The following CAPN12 variants were observed in gnomAD, a reference collection of about 807,000 sequenced individuals.
The protein encoded by CAPN12 is calpain-12.
CAPN12 carries 107 observed loss-of-function variants against 95.0 expected under a neutral mutation model. The ratio of observed to expected loss-of-function variants is 1.13; its 90% CI spans 0.96 to 1.32. CAPN12 has a LOEUF of 1.32. Ranked by LOEUF, CAPN12 falls within the 40% of genes most tolerant of loss-of-function variation. The probability of loss-of-function intolerance (pLI) is 0.00; values close to 1 mark genes in which losing one functional copy is unlikely to be tolerated. For synonymous variants in CAPN12, 505 were observed against 415.5 expected (o/e 1.22, Z -2.62); for missense variants, 1,136 against 997.8 (o/e 1.14, Z -1.87).
intron 2 of CAPN12, 39 bp from the exon 3 acceptor site, chr19:38,742,567 G>A (rs949181024): frequency 6.8e-7 from 1 of 1,464,436 alleles, no homozygotes. Context: ...GATGGAAGGA[G>A]GGAGGCCTGG....
At position 38,737,353 on chromosome 19, in the gene CAPN12, G is replaced by A; in HGVS notation, c.1165C>T (p.Leu389=). ...FWTNPQFRLT[L]LEPDEEDDED... ...TCATCCTCCTCATCAGGCTCCAGCA[G>A]CGTTAAACGGAACTGAGGATTGGTC... The change falls in exon 10 of 21, where the codon CTG becomes TTG. Residue 389 remains leucine (L), a synonymous_variant. Transcript: ENST00000328867. The A allele has an allele frequency of 6.3e-7, 1 of 1,590,226 alleles. No individual in the cohort carries two copies. The highest frequency in any genetic ancestry group is 8.6e-7 in the Non-Finnish European group (1 of 1,169,534).
At chr19:38,732,361 T>C (rs1969687435) in intron 18 of CAPN12, among the ~76,000 whole-genome samples, 1 of 152,232 alleles carries the variant, frequency 6.6e-6, no homozygotes, top group Admixed American at 6.5e-5. Context: ...AGACGGAGTC[T>C]CGCTCTGTTG....
chr19:38,730,942 C>T, intron 20 of CAPN12, 23 bp downstream of exon 20: 2 of 1,550,542 alleles, frequency 1.3e-6, no homozygotes, highest in Non-Finnish European at 8.7e-7. Context: ...CCTGAGCCAC[C>T]CTGTCCCTCC....
At position 38,735,575 on chromosome 19, in the gene CAPN12, G is replaced by A. The variant is rs567757539; in HGVS notation, c.1584-31C>T. On this transcript the variant is annotated intron_variant, in intron 12 of 20. Transcript: ENST00000328867. ...AATTACAGATGGGAAGTGGGGAGGG[G>A]GCTGTTTGCCCCAGCTGGGGCTGTG... is the stretch of plus-strand genomic sequence containing the variant. 184 of 1,605,090 alleles carry A rather than the reference G, an allele frequency of 1.1e-4. No homozygotes were observed. In the East Asian group the frequency reaches 1.1e-3, roughly 10 times the overall value.
chr19:38,734,937 TA>T, intron 14 of CAPN12, 67 bp from the exon 15 acceptor site: 2 of 1,491,410 alleles, frequency 1.3e-6, no homozygotes, highest in African/African-American at 2.8e-5. Flanking sequence ...AGCCCTGTGC[TA>T]GGGACACGGC....
At chr19:38,732,278 G>A (rs963728511) in intron 18 of CAPN12, among the ~76,000 whole-genome samples, 4 of 152,112 alleles carry the variant, frequency 2.6e-5, no homozygotes, top group African/African-American at 7.2e-5. Context: ...TCTGCCCCAC[G>A]TCTCCCAATC....
chr19:38,732,438 TCTC>T (rs1969695314), intron 18 of CAPN12, among the ~76,000 whole-genome samples: 1 of 152,152 alleles, frequency 6.6e-6, no homozygotes, highest in African/African-American at 2.4e-5. Context: ...TTCAAGAGAT[TCTC>T]CTGTCTCAGC....
chr19:38,742,131 C>T, intron 3 of CAPN12: 2 of 641,434 alleles, frequency 3.1e-6, no homozygotes, highest in Non-Finnish European at 5.3e-6. Context: ...CGAGACCAGC[C>T]TGGCTAAGAT....
Position 38,744,079 on chromosome 19 carries a change from GC to G in CAPN12, c.86del (p.Gly29AlafsTer45). On this transcript the variant is annotated frameshift_variant, in exon 1 of 21. Transcript: ENST00000328867. LOFTEE classifies it high-confidence loss of function. ...VGAGRLQLFR[G>X]QSYEAIRAAC... is the part of the protein sequence containing the mutation. ...CTGCCCGAATTGCCTCATAGCTCTG[GC>G]CCCGAAAAAGCTGCAGGCGCCCGGC... 6.2e-7 allele frequency: 1 copy of G among 1,614,172 alleles called. No homozygotes were observed. Among genetic ancestry groups the G allele is most frequent in the African/African-American group, 1.3e-5 (1 of 75,042 alleles).
chr19:38,744,268 G>A lies in CAPN12; in HGVS notation c.-103C>T, dbSNP rs1464643089. 26 of 1,069,602 alleles carry A rather than the reference G, an allele frequency of 2.4e-5. No homozygotes were observed. The East Asian group carries it at 4.0e-4, about 17-fold the overall frequency. The allele number at this position is 1,069,602 out of a possible 1,614,324, so 66.3% of individuals were successfully genotyped here. On this transcript the variant is annotated 5_prime_UTR_variant, in exon 1 of 21. Transcript: ENST00000328867. ...AGCCCCAGTGGGGTCTTTAGGCAATGAGGAGCCTTCCCTCGTTAATATTAA... is the reference window on the plus strand; with the variant it reads ...AGCCCCAGTGGGGTCTTTAGGCAATAAGGAGCCTTCCCTCGTTAATATTAA...
chr19:38,735,214 G>A, intron 14 of CAPN12, 156 bp downstream of exon 14: 2 of 725,268 alleles, frequency 2.8e-6, no homozygotes, highest in South Asian at 3.9e-5. Flanking sequence ...AGGCAGGGAG[G>A]AGCTGTGAGC....
chr19:38,733,654 G>A (rs965330439), intron 18 of CAPN12, 49 bp downstream of exon 18: 1 of 1,515,192 alleles, frequency 6.6e-7, no homozygotes, highest in Non-Finnish European at 9.2e-7. Context: ...CAATGGGATG[G>A]GAGAGAACAG....
Position 38,734,856 on chromosome 19 carries a change from A to G in CAPN12, c.1701T>C (p.Asn567=). ...QELAGEEEEL[N]ASQLQALLSI... The stretch of plus-strand genomic sequence containing the variant: ...TTAGTAAGGCCTGGAGCTGAGAGGC[A>G]TTGAGTTCTTCCTCCTAGTCCAGGA... Residue 567 remains asparagine, a synonymous_variant, in exon 15 of 21, where the codon AAT becomes AAC. Coordinates refer to ENST00000328867, the MANE Select transcript of CAPN12 (RefSeq NM_144691.4). The G allele has an allele frequency of 6.2e-7, 1 of 1,612,726 alleles. No homozygotes were observed. The highest frequency in any genetic ancestry group is 8.5e-7 in the Non-Finnish European group (1 of 1,179,854).
chr19:38,738,654 C>A lies in CAPN12; in HGVS notation c.730-6G>T. The A allele has an allele frequency of 6.2e-7, 1 of 1,613,868 alleles. No individual in the cohort carries two copies. Among genetic ancestry groups the A allele is most frequent in the Non-Finnish European group, 8.5e-7 (1 of 1,179,952 alleles). ...CGGTACTCACCCCGATCACTCTGGG[C>A]AGGGGATGGGATGGTGAGGCCAAGG... On this transcript the variant is annotated splice_polypyrimidine_tract_variant and splice_region_variant and intron_variant, in intron 5 of 20. Coordinates refer to ENST00000328867, the MANE Select transcript of CAPN12 (RefSeq NM_144691.4).
In CAPN12 at chr19:38,740,071, G is replaced by T; in HGVS notation, c.709C>A (p.Leu237Ile). The T allele has an allele frequency of 6.3e-7, 1 of 1,599,220 alleles. No homozygotes were observed. Residue 237 changes from leucine (L) to isoleucine (I), a missense_variant, in exon 5 of 21, where the codon CTC becomes ATC. By Grantham distance (5) the Leu-to-Ile change is conservative. Transcript: ENST00000328867. ...ALRHALAKES[L>I]VGATALSDRG... ...CTTACCAGGGCAGTGGCGCCCACGAGGGACTCCTTGGCCAGGGCATGGCGC... is the reference window on the plus strand; with the variant it reads ...CTTACCAGGGCAGTGGCGCCCACGATGGACTCCTTGGCCAGGGCATGGCGC...
At chr19:38,732,094 T>G (rs1969662143) in intron 18 of CAPN12, among the ~76,000 whole-genome samples, 1 of 152,272 alleles carries the variant, frequency 6.6e-6, no homozygotes, top group South Asian at 2.1e-4. Context: ...AGTTCCCGTT[T>G]GAGAAATTCT....
intron 14 of CAPN12, 120 bp from the exon 15 acceptor site, chr19:38,734,990 G>A: frequency 1.1e-6 from 1 of 906,214 alleles, no homozygotes; most frequent in Non-Finnish European, 1.7e-6. Flanking sequence ...CAGGAGTGGG[G>A]GAGACAGACC....
intron 17 of CAPN12, 138 bp downstream of exon 17, chr19:38,734,004 A>C: frequency 1.0e-6 from 1 of 957,754 alleles, no homozygotes; most frequent in Non-Finnish European, 1.6e-6. Context: ...GGGCAGGGAT[A>C]TCCCAGCCAG....
intron 8 of CAPN12, 55 bp from the exon 9 acceptor site, chr19:38,737,693 ATCC>A (rs2145220824): frequency 2.0e-6 from 3 of 1,471,334 alleles, no homozygotes; most frequent in East Asian, 4.8e-5. Flanking sequence ...GGGTCCCAAG[ATCC>A]CGGAAATGAC....
Sources: gnomAD v4.1 joint callset for allele counts (sites outside exome capture counted in the v4.1 genomes callset) on GRCh38, gnomAD v4.1.1 for gene constraint, MANE v1.5 for transcripts, NCBI Gene and HGNC (gene_info 2026-07-23, HGNC 2026-07-21) for gene names.